The following MYBPC1 variants were observed in gnomAD, a reference collection of about 807,000 sequenced individuals.
MYBPC1 encodes myosin-binding protein C, slow-type.
In MYBPC1, 52 loss-of-function variants were observed where a neutral mutation model predicts 147.1. The ratio of observed to expected loss-of-function variants is 0.35; its 90% confidence interval spans 0.28 to 0.45. The LOEUF is 0.45. Among genes scored for constraint, MYBPC1 ranks in the 20% least tolerant of loss-of-function variants. The pLI, the probability that MYBPC1 is intolerant of heterozygous loss-of-function variation, is 1.00. For missense variants in MYBPC1, 1,228 were observed against 1,440.3 expected (o/e 0.85, Z 2.39); for synonymous variants, 477 against 475.9 (o/e 1.00, Z -0.03).
intron 3 of MYBPC1, among the ~76,000 whole-genome samples, chr12:101,623,680 C>G (rs967688267): frequency 2.6e-5 from 4 of 152,104 alleles, no homozygotes; most frequent in Admixed American, 6.5e-5. Flanking sequence ...TGAATTTTAA[C>G]TTCATTTCTG....
intron 3 of MYBPC1, among the ~76,000 whole-genome samples, chr12:101,621,488 C>T (rs563554100): frequency 5.9e-5 from 9 of 152,242 alleles, no homozygotes; most frequent in African/African-American, 1.9e-4. Context: ...TATTGTCTCC[C>T]ATATTTTATT....
intron 24 of MYBPC1, among the ~76,000 whole-genome samples, chr12:101,672,858 T>A (rs1217827450): frequency 6.6e-6 from 1 of 151,874 alleles, no homozygotes; most frequent in Non-Finnish European, 1.5e-5. Context: ...AAAAAAAAAA[T>A]TTAGATGATA....
At position 101,677,391 on chromosome 12, in the gene MYBPC1, G is replaced by C; in HGVS notation, c.3106G>C (p.Asp1036His). The C allele has an allele frequency of 6.2e-7, 1 of 1,613,964 alleles. No individual in the cohort carries two copies. The highest frequency in any genetic ancestry group is 1.1e-5 in the South Asian group (1 of 91,076). ...TAAAGAGAGTGCAGTGATCGCCAGG[G>C]ATGGTGAGTTGGGAATGGACTGACA... Reference protein sequence around the residue: ...MTKESAVIARDGKIYKNPVYE... With the variant: ...MTKESAVIARHGKIYKNPVYE... The change falls in exon 27 of 32, where the codon GAT (aspartate) becomes CAT (histidine). Residue 1036 changes from aspartate to histidine, a missense_variant. Transcript: ENST00000361466.
chr12:101,605,329 T>C (rs1178854267), intron 1 of MYBPC1, among the ~76,000 whole-genome samples: 1 of 152,252 alleles, frequency 6.6e-6, no homozygotes, highest in East Asian at 1.9e-4. Flanking sequence ...GTATATGATA[T>C]ATATGACCTG....
At chr12:101,600,059 CTT>C (rs58284907) in intron 1 of MYBPC1, among the ~76,000 whole-genome samples, 4,104 of 152,238 alleles carry the variant, frequency 0.027, 216 homozygotes, top group East Asian at 0.22. Flanking sequence ...TTTAAAAAGA[CTT>C]TGGAAAAACA....
intron 28 of MYBPC1, among the ~76,000 whole-genome samples, chr12:101,679,153 A>G (rs1387247581): frequency 1.3e-5 from 2 of 151,248 alleles, no homozygotes; most frequent in Non-Finnish European, 3.0e-5. Context: ...CGTCTCAAAA[A>G]AAAAAAAAAA....
chr12:101,682,244 C>T (rs73388498), intron 29 of MYBPC1, among the ~76,000 whole-genome samples: 1,683 of 151,964 alleles, frequency 0.011, 19 homozygotes, highest in African/African-American at 0.038. Context: ...TTGAAACTAG[C>T]TGAATGTTGT....
intron 25 of MYBPC1, among the ~76,000 whole-genome samples, 198 bp downstream of exon 25, chr12:101,673,820 A>G (rs2136717138): frequency 6.6e-6 from 1 of 152,326 alleles, no homozygotes; most frequent in South Asian, 2.1e-4. Context: ...TGGGAGGCCA[A>G]CGTAGGCGGA....
the MYBPC1 span, among the ~76,000 whole-genome samples, chr12:101,692,387 T>C: frequency 6.6e-6 from 1 of 152,236 alleles, no homozygotes; most frequent in Non-Finnish European, 1.5e-5. Context: ...TAAAGTCCTA[T>C]ATTTAATACA....
In MYBPC1 at chr12:101,663,811, G is replaced by A. The variant is rs55982297; in HGVS notation, c.2356+251G>A. ...CTATAATTGAACTAAGAGATGGGAGGAAGAGATTGTAACAAAACTTTGGGG... is the reference window on the plus strand; with the variant it reads ...CTATAATTGAACTAAGAGATGGGAGAAAGAGATTGTAACAAAACTTTGGGG... On this transcript the variant is annotated intron_variant, in intron 22 of 31. Coordinates refer to ENST00000361466, the MANE Select transcript of MYBPC1 (RefSeq NM_002465.4). 0.016 allele frequency among the ~76,000 whole-genome samples: 2,378 copies of A among 152,282 alleles called. 72 individuals carry two copies. The highest frequency in any genetic ancestry group is 0.055 in the African/African-American group (2,266 of 41,544).
chr12:101,608,946 C>T (rs1433483066), intron 1 of MYBPC1, among the ~76,000 whole-genome samples: 2 of 152,024 alleles, frequency 1.3e-5, no homozygotes, highest in Non-Finnish European at 1.5e-5. Flanking sequence ...AAGCTGCCCA[C>T]GGAATGCCAG....
At chr12:101,614,713 T>C (rs1381623673) in intron 2 of MYBPC1, 182 bp downstream of exon 2, 4 of 652,780 alleles carry the variant, frequency 6.1e-6, no homozygotes, top group Non-Finnish European at 1.1e-5. Flanking sequence ...GTTTATATAA[T>C]CCTCTTGTGT....
At chr12:101,653,088 T>C (rs753883406) in intron 17 of MYBPC1, 27 bp from the exon 18 acceptor site, 140 of 1,602,016 alleles carry the variant, frequency 8.7e-5, no homozygotes, top group Non-Finnish European at 1.2e-4. Context: ...GACTGTCTGA[T>C]AACAAAGACT....
rs529545815 is a variant in MYBPC1 at position 101,662,301 on chromosome 12, A to C, written c.2033-57A>C. ...ATTTTAAGGACTTCTATTATCTGAC[A>C]ATGTTTAATTTCAGAGACCAAGGAA... On this transcript the variant is annotated intron_variant, in intron 20 of 31. Transcript: ENST00000361466. 1.4e-5 allele frequency: 22 copies of C among 1,573,776 alleles called. No homozygotes were observed. In the South Asian group the frequency reaches 1.9e-4, roughly 14 times the overall value.
rs753829708 is a variant in MYBPC1, at chr12:101,673,460, G to A, written c.2647G>A (p.Asp883Asn). ...AAGACCAGAATTAACTTGGAAGAAG[G>A]ATGGTGCAGAAATTGATAAGAATCA... is the stretch of plus-strand genomic sequence containing the variant. The part of the protein sequence containing the change: ...KPRPELTWKK[D>N]GAEIDKNQIN... Residue 883 changes from aspartate (D) to asparagine (N), a missense_variant, in exon 25 of 32, where the codon GAT (aspartate) becomes AAT (asparagine). By Grantham distance (23) the Asp-to-Asn change is conservative. Around this residue, in one of 2 missense-constraint regions of MYBPC1, gnomAD observed 1,077 missense variants for 1,314.2 expected, o/e 0.82. Coordinates refer to ENST00000361466, the MANE Select transcript of MYBPC1 (RefSeq NM_002465.4). 1 of 1,613,300 alleles carries A rather than the reference G, an allele frequency of 6.2e-7. No individual in the cohort carries two copies. Among genetic ancestry groups the A allele is most frequent in the Non-Finnish European group, 8.5e-7 (1 of 1,179,982 alleles).
intron 1 of MYBPC1, among the ~76,000 whole-genome samples, chr12:101,607,117 G>A (rs1882518260): frequency 1.3e-5 from 2 of 152,072 alleles, no homozygotes; most frequent in African/African-American, 2.4e-5. Context: ...CACTGCGCCC[G>A]GCCATGGGGT....
At chr12:101,629,629 C>G (rs1415936878) in intron 6 of MYBPC1, 85 bp downstream of exon 6, 1 of 830,182 alleles carries the variant, frequency 1.2e-6, no homozygotes, top group Non-Finnish European at 1.9e-6. Context: ...TCCCAGCACT[C>G]TGGGAGGTCC....
chr12:101,629,578 A>C, intron 6 of MYBPC1, 34 bp downstream of exon 6: 1 of 1,523,512 alleles, frequency 6.6e-7, no homozygotes, highest in Non-Finnish European at 9.1e-7. Flanking sequence ...TCCTTTTTTA[A>C]AAAATTAAGG....
In MYBPC1 at chr12:101,677,435, C is replaced by T. The variant is rs367793141; in HGVS notation, c.3109+41C>T. On this transcript the variant is annotated intron_variant, in intron 27 of 31. Coordinates refer to ENST00000361466, the MANE Select transcript of MYBPC1 (RefSeq NM_002465.4). ...ACTGACATTTGAAAACCTTGGTTGA[C>T]AGTGACCAGACAGAGAAGACTGGAA... 2.5e-6 allele frequency: 4 copies of T among 1,609,822 alleles called. No homozygotes were observed. In the African/African-American group the frequency reaches 4.0e-5, roughly 16 times the overall value.
Sources: allele counts gnomAD v4.1 joint callset (sites outside exome capture counted in the v4.1 genomes callset), GRCh38; gene constraint gnomAD v4.1.1; regional missense constraint gnomAD v4.1.1; transcripts MANE v1.5; gene names NCBI Gene and HGNC (gene_info 2026-07-23, HGNC 2026-07-21).